MLLT3: variants seen among roughly 807,000 people sequenced by gnomAD.
MLLT3 encodes the protein protein AF-9.
In MLLT3, 4 loss-of-function variants were observed where a neutral mutation model predicts 53.2. That is an observed-to-expected ratio of 0.08 (90% CI 0.04 to 0.17). The LOEUF (loss-of-function observed/expected upper bound fraction) is 0.17, where lower values mean the gene tolerates loss of function less well. Ranked by LOEUF, MLLT3 falls within the 10% of genes least tolerant of loss-of-function variation. The pLI is 1.00. For missense variants in MLLT3, 569 were observed against 684.0 expected, an observed-to-expected ratio of 0.83 and a Z score of 1.87; for synonymous variants, 283 against 230.6, an observed-to-expected ratio of 1.23 and a Z score of -2.06.
chr9:20,445,707 AC>A (rs1390382755), intron 4 of MLLT3, among the ~76,000 whole-genome samples: 2 of 152,296 alleles, frequency 1.3e-5, no homozygotes, highest in Admixed American at 1.3e-4. Context: ...AGTTTACTCC[AC>A]CCATGCCTTA....
intron 5 of MLLT3, among the ~76,000 whole-genome samples, chr9:20,370,204 AT>A (rs1821562513): frequency 6.6e-6 from 1 of 152,202 alleles, no homozygotes; most frequent in Admixed American, 6.5e-5. Context: ...ATGTCTCTGC[AT>A]CACATATTGG....
At chr9:20,481,017 AG>A (rs2118904666) in intron 2 of MLLT3, among the ~76,000 whole-genome samples, 1 of 152,346 alleles carries the variant, frequency 6.6e-6, no homozygotes, top group South Asian at 2.1e-4. Flanking sequence ...AGTCAGGATC[AG>A]TTTCATAGGA....
intron 2 of MLLT3, among the ~76,000 whole-genome samples, chr9:20,489,195 T>C (rs1431658752): frequency 6.6e-6 from 1 of 152,142 alleles, no homozygotes; most frequent in Non-Finnish European, 1.5e-5. Context: ...GGGACTGGCA[T>C]GTCAATGGAA....
intron 2 of MLLT3, among the ~76,000 whole-genome samples, chr9:20,537,984 CA>C (rs1818529337): frequency 6.6e-6 from 1 of 152,040 alleles, no homozygotes. Context: ...AATATAAATG[CA>C]AGGTTCATAT....
chr9:20,620,252 AACACAC>A lies in MLLT3; in HGVS notation c.193+396_193+401del, dbSNP rs60526002. On this transcript the variant is annotated intron_variant, in intron 2 of 10. Coordinates refer to ENST00000380338, the MANE Select transcript of MLLT3 (RefSeq NM_004529.4). The surrounding 1 kb of genome is among the most constrained non-coding windows in gnomAD (Gnocchi z 6.1). ...AGGTAAATCTTAATTTCTCTAGGAAAACACACACACACACACACACACACACACACA... is the reference window on the plus strand; with the variant it reads ...AGGTAAATCTTAATTTCTCTAGGAAAACACACACACACACACACACACACA... Among the ~76,000 whole-genome samples, 10,983 of 142,414 alleles carry A rather than the reference AACACAC, an allele frequency of 0.077. 462 individuals carry two copies. The highest frequency in any genetic ancestry group is 0.11 in the African/African-American group (4,103 of 38,360). The allele number at this position is 142,414 out of a possible 152,430, so 93.4% of individuals were successfully genotyped here.
intron 5 of MLLT3, among the ~76,000 whole-genome samples, chr9:20,394,280 A>G (rs1822264501): frequency 1.3e-5 from 2 of 152,134 alleles, no homozygotes; most frequent in Admixed American, 6.6e-5. Flanking sequence ...TTTGCCACTT[A>G]CGGAGGCAGG....
At chr9:20,532,310 GA>G (rs148443498) in intron 2 of MLLT3, among the ~76,000 whole-genome samples, 25 of 138,310 alleles carry the variant, frequency 1.8e-4, no homozygotes, top group Middle Eastern at 3.8e-3. Flanking sequence ...AAAAAAATAG[GA>G]AAAAAAAATA....
intron 2 of MLLT3, among the ~76,000 whole-genome samples, chr9:20,581,978 G>T (rs1398165345): frequency 6.6e-6 from 1 of 152,096 alleles, no homozygotes. Context: ...CAGCCGCAAT[G>T]AAAAATATTT....
At chr9:20,445,172 T>C (rs1260763564) in intron 4 of MLLT3, among the ~76,000 whole-genome samples, 1 of 152,144 alleles carries the variant, frequency 6.6e-6, no homozygotes, top group South Asian at 2.1e-4. Context: ...GCTGTCTAAT[T>C]TAGAGGAAAC....
chr9:20,537,061 G>A (rs1818507567), intron 2 of MLLT3, among the ~76,000 whole-genome samples: 2 of 152,176 alleles, frequency 1.3e-5, no homozygotes, highest in African/African-American at 2.4e-5. Flanking sequence ...TAAAACTATA[G>A]ATGGGAAGTC....
rs749239229 is a variant in MLLT3 at position 20,414,345 on chromosome 9, A to ACTGCTGCTGCTGCTG, written c.486_500dup (p.Ser186_Ser190dup). The ACTGCTGCTGCTGCTG allele has an allele frequency of 1.3e-5, 20 of 1,493,362 alleles. No individual in the cohort carries two copies. Among genetic ancestry groups the ACTGCTGCTGCTGCTG allele is most frequent in the Admixed American group, 3.6e-5 (2 of 56,246 alleles). The allele number at this position is 1,493,362 out of a possible 1,614,324, so 92.5% of individuals were successfully genotyped here. On this transcript the variant is annotated inframe_insertion, in exon 5 of 11. Transcript: ENST00000380338. Reference sequence around the variant, plus strand: ...TGCTGCTGCTGCTGCTGCTGCTGCTACTGCTGCTGCTGCTGCTGCTGCTGC... The same window carrying ACTGCTGCTGCTGCTG: ...TGCTGCTGCTGCTGCTGCTGCTGCTACTGCTGCTGCTGCTGCTGCTGCTGCTGCTGCTGCTGCTGC...
At chr9:20,364,372 CACAA>C (rs1178483625) in intron 6 of MLLT3, among the ~76,000 whole-genome samples, 1 of 152,164 alleles carries the variant, frequency 6.6e-6, no homozygotes, top group Admixed American at 6.5e-5. Context: ...AAAACACACA[CACAA>C]ACACAAATTC....
chr9:20,430,934 T>A (rs1002056320), intron 4 of MLLT3, among the ~76,000 whole-genome samples: 3 of 152,016 alleles, frequency 2.0e-5, no homozygotes, highest in African/African-American at 7.2e-5. Context: ...TTTCACAGAA[T>A]AAGAAACATG....
At position 20,622,297 on chromosome 9, in the gene MLLT3, C is replaced by G. The variant is rs753257309; in HGVS notation, c.-41G>C. ...GGTTTGCTGGGGTGTTGTGTGGTACCCCCCCCTCCTCCGCCCCCCCTCAGC... is the reference window on the plus strand; with the variant it reads ...GGTTTGCTGGGGTGTTGTGTGGTACGCCCCCCTCCTCCGCCCCCCCTCAGC... On this transcript the variant is annotated 5_prime_UTR_variant, in exon 1 of 11. Transcript: ENST00000380338. The G allele has an allele frequency of 5.3e-6, 8 of 1,513,170 alleles. No homozygotes were observed. Among genetic ancestry groups the G allele is most frequent in the East Asian group, 2.5e-5 (1 of 40,328 alleles). The allele number at this position is 1,513,170 out of a possible 1,614,324, so 93.7% of individuals were successfully genotyped here. A position where few individuals can be genotyped will look rare whatever the true frequency, so the allele number is the denominator to read the frequency against.
At chr9:20,434,307 G>T (rs188253917) in intron 4 of MLLT3, among the ~76,000 whole-genome samples, 1 of 151,922 alleles carries the variant, frequency 6.6e-6, no homozygotes, top group African/African-American at 2.4e-5. Flanking sequence ...CAGGGACAAC[G>T]GAGCATCAAT....
At chr9:20,379,792 C>G (rs1407074123) in intron 5 of MLLT3, among the ~76,000 whole-genome samples, 1 of 151,942 alleles carries the variant, frequency 6.6e-6, no homozygotes, top group Non-Finnish European at 1.5e-5. Context: ...TGGATCTAAA[C>G]AGAAGTTTCA....
intron 2 of MLLT3, among the ~76,000 whole-genome samples, chr9:20,464,969 T>A (rs1824198538): frequency 6.6e-6 from 1 of 152,144 alleles, no homozygotes; most frequent in South Asian, 2.1e-4. Flanking sequence ...CCCCAAGAGC[T>A]TATAATGACT....
At chr9:20,435,030 T>C (rs751795271) in intron 4 of MLLT3, among the ~76,000 whole-genome samples, 9 of 152,140 alleles carry the variant, frequency 5.9e-5, no homozygotes, top group Non-Finnish European at 1.0e-4. Flanking sequence ...AAATGTTGTT[T>C]TTGCCATCCT....
intron 10 of MLLT3, among the ~76,000 whole-genome samples, chr9:20,348,233 T>C (rs1820927070): frequency 6.6e-6 from 1 of 152,226 alleles, no homozygotes; most frequent in Non-Finnish European, 1.5e-5. Flanking sequence ...TCCTTAATTT[T>C]TTTTTATTAA....
Sources: allele counts gnomAD v4.1 joint callset (sites outside exome capture counted in the v4.1 genomes callset), GRCh38; gene constraint gnomAD v4.1.1; non-coding constraint Gnocchi (gnomAD v3.1); transcripts MANE v1.5; gene names NCBI Gene and HGNC (gene_info 2026-07-23, HGNC 2026-07-21).